CHCHD3: variants seen among roughly 807,000 people sequenced by gnomAD.
CHCHD3 encodes MICOS complex subunit MIC19.
A neutral mutation model predicts 38.2 loss-of-function variants in CHCHD3; 20 were observed. The ratio of observed to expected loss-of-function variants is 0.52; its 90% CI spans 0.37 to 0.76. CHCHD3 has a LOEUF of 0.76. CHCHD3 is among the 30% of genes least tolerant of loss of function. The probability of loss-of-function intolerance (pLI) is 0.00; values close to 1 mark genes in which losing one functional copy is unlikely to be tolerated. For missense variants in CHCHD3, 245 were observed against 279.2 expected (o/e 0.88, Z 0.87); for synonymous variants, 82 against 100.0 (o/e 0.82, Z 1.07).
chr7:132,977,056 C>T (rs1286578992), intron 3 of CHCHD3, among the ~76,000 whole-genome samples: 1 of 152,196 alleles, frequency 6.6e-6, no homozygotes, highest in East Asian at 1.9e-4. Context: ...AACCAAATTT[C>T]TCTAAATTAT....
intron 3 of CHCHD3, among the ~76,000 whole-genome samples, chr7:132,993,291 C>G (rs1812330817): frequency 6.6e-6 from 1 of 152,182 alleles, no homozygotes; most frequent in East Asian, 1.9e-4. Context: ...AAACTCTTCC[C>G]TTTATCTCCT....
chr7:132,986,424 G>GAAAAAAAAAAA (rs59151340), intron 3 of CHCHD3, among the ~76,000 whole-genome samples: 4 of 131,282 alleles, frequency 3.0e-5, no homozygotes, highest in East Asian at 2.2e-4. Context: ...AAAGAAAAAA[G>GAAAAAAAAAAA]AAAAAAAAAA....
At chr7:132,995,743 C>T (rs557611555) in intron 3 of CHCHD3, among the ~76,000 whole-genome samples, 19 of 152,218 alleles carry the variant, frequency 1.2e-4, no homozygotes, top group Non-Finnish European at 2.4e-4. Context: ...AGGCATCAGG[C>T]CTATGTGCTC....
chr7:132,881,823 T>G (rs1809065090), intron 5 of CHCHD3, among the ~76,000 whole-genome samples: 1 of 152,158 alleles, frequency 6.6e-6, no homozygotes, highest in Admixed American at 6.6e-5. Flanking sequence ...ACATTGTAAT[T>G]CTCACTGCCA....
At chr7:132,865,723 C>T (rs549348590) in intron 5 of CHCHD3, among the ~76,000 whole-genome samples, 10 of 152,184 alleles carry the variant, frequency 6.6e-5, no homozygotes, top group South Asian at 4.2e-4. Context: ...CTGCTTCTAA[C>T]GAGCAAAGGC....
chr7:132,867,639 T>C (rs140838856), intron 5 of CHCHD3, among the ~76,000 whole-genome samples: 71 of 152,260 alleles, frequency 4.7e-4, no homozygotes, highest in African/African-American at 1.6e-3. Context: ...TACATTAAAG[T>C]CAATATTCCA....
chr7:132,903,557 C>T (rs1009694181), intron 4 of CHCHD3, among the ~76,000 whole-genome samples: 3 of 152,184 alleles, frequency 2.0e-5, no homozygotes, highest in Admixed American at 1.3e-4. Context: ...GAGAGCTCAC[C>T]AGGCAGATCC....
At chr7:132,885,515 C>T (rs957015016) in intron 5 of CHCHD3, 147 bp downstream of exon 5, 13 of 602,424 alleles carry the variant, frequency 2.2e-5, no homozygotes, top group Non-Finnish European at 3.3e-5. Context: ...TTACAGAGGA[C>T]GAACTAACTA....
rs528769174 is a variant in CHCHD3, at chr7:133,019,949, G to T, written c.251+4597C>A. On this transcript the variant is annotated intron_variant, in intron 3 of 7. Transcript: ENST00000262570. ...GGCCTACACAGTTACAACACAATATGGTCAGCTATAATCCAAACACACCAT... is the reference window on the plus strand; with the variant it reads ...GGCCTACACAGTTACAACACAATATTGTCAGCTATAATCCAAACACACCAT... 2.6e-5 allele frequency among the ~76,000 whole-genome samples: 4 copies of T among 151,986 alleles called. No individual in the cohort carries two copies. The East Asian group carries it at 5.8e-4, about 22-fold the overall frequency.
intron 2 of CHCHD3, among the ~76,000 whole-genome samples, chr7:133,025,339 T>C (rs1325592437): frequency 2.0e-5 from 3 of 152,178 alleles, no homozygotes; most frequent in Non-Finnish European, 4.4e-5. Context: ...GTAAATAAAA[T>C]GGACAAATTT....
chr7:132,851,690 C>T (rs1808222563), intron 5 of CHCHD3, among the ~76,000 whole-genome samples: 1 of 152,196 alleles, frequency 6.6e-6, no homozygotes, highest in South Asian at 2.1e-4. Context: ...TAAATTATTT[C>T]ATGGAACCAG....
At chr7:132,888,723 C>T (rs1205765797) in intron 4 of CHCHD3, among the ~76,000 whole-genome samples, 2 of 151,778 alleles carry the variant, frequency 1.3e-5, no homozygotes, top group East Asian at 1.9e-4. Context: ...TTTGATCCAG[C>T]CATATAATCA....
In CHCHD3 at chr7:132,799,218, G is replaced by C. The variant is rs143160460; in HGVS notation, c.525-2641C>G. Among the ~76,000 whole-genome samples the C allele has an allele frequency of 3.4e-3, 511 of 152,256 alleles. 1 individual carries two copies. The highest frequency in any genetic ancestry group is 5.7e-3 in the Non-Finnish European group (385 of 68,014). The stretch of plus-strand genomic sequence containing the variant: ...TCTGTAAGGGTAAAGGTTTGCCTCT[G>C]TATTGATCTGTAAAGCTTGTTATAC... On this transcript the variant is annotated intron_variant, in intron 6 of 7. Transcript: ENST00000262570.
chr7:132,956,005 A>G (rs1180050154), intron 4 of CHCHD3, among the ~76,000 whole-genome samples: 1 of 152,250 alleles, frequency 6.6e-6, no homozygotes, highest in East Asian at 1.9e-4. Context: ...GTCTATTCAG[A>G]AAGGATTTAA....
Position 132,984,965 on chromosome 7 carries a change from G to A in CHCHD3, c.252-9679C>T, listed in dbSNP as rs1302810203. On this transcript the variant is annotated intron_variant, in intron 3 of 7. Coordinates refer to ENST00000262570, the MANE Select transcript of CHCHD3 (RefSeq NM_017812.4). ...AGGTGAGGGGCGCCTCTGCCCGGCC[G>A]CCCCTACTGGGAAGTGAGGAGTCCC... is the stretch of plus-strand genomic sequence containing the variant. Among the ~76,000 whole-genome samples the A allele has an allele frequency of 5.5e-5, 4 of 72,718 alleles. 1 individual carries two copies. Among genetic ancestry groups the A allele is most frequent in the Admixed American group, 2.8e-4 (2 of 7,050 alleles). The allele number at this position is 72,718 out of a possible 152,430, so 47.7% of individuals were successfully genotyped here.
intron 5 of CHCHD3, among the ~76,000 whole-genome samples, chr7:132,848,638 T>C (rs1355807658): frequency 6.6e-6 from 1 of 152,206 alleles, no homozygotes; most frequent in Non-Finnish European, 1.5e-5. Context: ...ATTTAGTTTA[T>C]CTAGAAGTTT....
At chr7:132,891,892 C>T (rs1405145126) in intron 4 of CHCHD3, among the ~76,000 whole-genome samples, 2 of 152,162 alleles carry the variant, frequency 1.3e-5, no homozygotes, top group East Asian at 3.8e-4. Context: ...TCTGGCTTGC[C>T]GTGTGAAGAA....
intron 1 of CHCHD3, among the ~76,000 whole-genome samples, chr7:133,076,580 C>T (rs1352607701): frequency 6.6e-6 from 1 of 152,214 alleles, no homozygotes; most frequent in Non-Finnish European, 1.5e-5. Flanking sequence ...CACCAATGTG[C>T]TCCACAGAGG....
chr7:132,863,298 A>C (rs1562888959), intron 5 of CHCHD3, among the ~76,000 whole-genome samples: 1 of 152,252 alleles, frequency 6.6e-6, no homozygotes, highest in African/African-American at 2.4e-5. Flanking sequence ...CATCTCCATC[A>C]GAGCTCTTGG....
Sources: allele counts gnomAD v4.1 joint callset (sites outside exome capture counted in the v4.1 genomes callset), GRCh38; gene constraint gnomAD v4.1.1; transcripts MANE v1.5; gene names NCBI Gene and HGNC (gene_info 2026-07-23, HGNC 2026-07-21).